Variants in KREMEN1 observed in about 807,000 individuals in gnomAD.
KREMEN1 encodes kringle containing transmembrane protein 1.
A neutral mutation model predicts 46.5 loss-of-function variants in KREMEN1; 30 were observed. That is an observed-to-expected ratio of 0.65 (90% CI 0.48 to 0.88). KREMEN1 has a LOEUF of 0.88. KREMEN1 is among the 40% of genes least tolerant of loss of function. KREMEN1 has a pLI of 0.00. For missense variants in KREMEN1, 533 were observed against 596.9 expected (o/e 0.89, Z 1.11); for synonymous variants, 214 against 230.6 (o/e 0.93, Z 0.65).
At chr22:29,115,790 A>G (rs2038229277) in intron 3 of KREMEN1, among the ~76,000 whole-genome samples, 1 of 152,232 alleles carries the variant, frequency 6.6e-6, no homozygotes, top group African/African-American at 2.4e-5. Flanking sequence ...TGAAATCTTA[A>G]GAAGGGAATA....
intron 1 of KREMEN1, among the ~76,000 whole-genome samples, chr22:29,079,941 C>T (rs934179342): frequency 6.6e-6 from 1 of 152,190 alleles, no homozygotes; most frequent in Non-Finnish European, 1.5e-5. Flanking sequence ...AATTATTGGG[C>T]TGGTAAAAAT....
Position 29,142,144 on chromosome 22 carries a change from T to A in KREMEN1, c.*32T>A, listed in dbSNP as rs1159966696. ...CACTGTGCCTAGGACTTGAGGTCCC[T>A]CTTTGAGCTCAAGGCTGCCGTGGTC... On this transcript the variant is annotated 3_prime_UTR_variant, in exon 9 of 9. Transcript: ENST00000400335. 1 of 1,517,692 alleles carries A rather than the reference T, an allele frequency of 6.6e-7. No homozygotes were observed. Among genetic ancestry groups the A allele is most frequent in the Non-Finnish European group, 8.8e-7 (1 of 1,132,794 alleles). The allele number at this position is 1,517,692 out of a possible 1,614,324, so 94.0% of individuals were successfully genotyped here. A position where few individuals can be genotyped will look rare whatever the true frequency, so the allele number is the denominator to read the frequency against.
At position 29,138,773 on chromosome 22, in the gene KREMEN1, A is replaced by G; in HGVS notation, c.1114A>G (p.Thr372Ala). The G allele has an allele frequency of 6.2e-7, 1 of 1,614,150 alleles. No individual in the cohort carries two copies. Among genetic ancestry groups the G allele is most frequent in the East Asian group, 2.2e-5 (1 of 44,880 alleles). ...ITTSPSHPPQ[T>A]VPGWTVYGLA... ...CACCAGCCCCAGCCACCCACCTCAG[A>G]CTGTCCCAGGTAGCAATTCCTGGGC... The change falls in exon 7 of 9, where the codon ACT becomes GCT. Residue 372 changes from threonine (T) to alanine (A), a missense_variant. By Grantham distance (58) the Thr-to-Ala change is moderately conservative. Coordinates refer to ENST00000400335, the MANE Select transcript of KREMEN1 (RefSeq NM_001039570.3).
At chr22:29,160,938 G>T (rs2039004949) in intron 9 of KREMEN1, among the ~76,000 whole-genome samples, 1 of 152,200 alleles carries the variant, frequency 6.6e-6, no homozygotes, top group African/African-American at 2.4e-5. Flanking sequence ...AAAACCAAAA[G>T]TTGATTATTT....
chr22:29,122,985 A>G (rs578191898), intron 4 of KREMEN1, among the ~76,000 whole-genome samples: 1 of 150,436 alleles, frequency 6.6e-6, no homozygotes, highest in South Asian at 2.1e-4. Context: ...GTTATATACA[A>G]CGTGGATGAA....
chr22:29,123,534 G>A (rs1487740853), intron 4 of KREMEN1, among the ~76,000 whole-genome samples: 1 of 152,178 alleles, frequency 6.6e-6, no homozygotes, highest in Non-Finnish European at 1.5e-5. Flanking sequence ...GCTCAAGCCT[G>A]TAATCCCAGC....
At chr22:29,098,322 C>A (rs1047907564) in intron 2 of KREMEN1, among the ~76,000 whole-genome samples, 4 of 152,114 alleles carry the variant, frequency 2.6e-5, no homozygotes, top group Non-Finnish European at 5.9e-5. Context: ...GCTGTTTCCA[C>A]CTGTTTTTTA....
intron 1 of KREMEN1, among the ~76,000 whole-genome samples, chr22:29,079,510 T>G (rs1400955404): frequency 2.6e-5 from 4 of 152,240 alleles, no homozygotes; most frequent in African/African-American, 9.6e-5. Flanking sequence ...GGGGCCCTGC[T>G]TCTAGTGGGC....
chr22:29,129,496 C>A (rs556042939), intron 5 of KREMEN1, among the ~76,000 whole-genome samples: 1 of 152,130 alleles, frequency 6.6e-6, no homozygotes, highest in Non-Finnish European at 1.5e-5. Flanking sequence ...GTGAAGATGT[C>A]TCCCTAAAGA....
chr22:29,128,026 A>G (rs968709699), intron 5 of KREMEN1, among the ~76,000 whole-genome samples: 1 of 152,218 alleles, frequency 6.6e-6, no homozygotes, highest in Non-Finnish European at 1.5e-5. Flanking sequence ...AATGTCCAGA[A>G]TAGGCAAAGC....
At chr22:29,097,282 GC>G (rs1233323375) in intron 2 of KREMEN1, among the ~76,000 whole-genome samples, 2 of 152,192 alleles carry the variant, frequency 1.3e-5, no homozygotes, top group Non-Finnish European at 2.9e-5. Context: ...GTGTCCAGTA[GC>G]CCCTGCCATT....
At chr22:29,121,541 G>A in intron 4 of KREMEN1, 60 bp downstream of exon 4, 1 of 1,575,280 alleles carries the variant, frequency 6.3e-7, no homozygotes, top group Non-Finnish European at 8.7e-7. Context: ...GCATTTTGCT[G>A]AGATAACTTA....
Position 29,137,563 on chromosome 22 carries a change from C to T in KREMEN1, c.853C>T (p.His285Tyr), listed in dbSNP as rs201889157. The T allele has an allele frequency of 1.1e-5, 17 of 1,613,908 alleles. No individual in the cohort carries two copies. The African/African-American group carries it at 2.1e-4, about 20-fold the overall frequency. Reference protein sequence around the residue: ...GYTHRVLARFHGRSRPPLSFN... With the variant: ...GYTHRVLARFYGRSRPPLSFN... Reference sequence around the variant, plus strand: ...CACCCACCGTGTCCTAGCCCGCTTCCACGGGAGGAGCCGCCCACCTCTGTC... The same window carrying T: ...CACCCACCGTGTCCTAGCCCGCTTCTACGGGAGGAGCCGCCCACCTCTGTC... Residue 285 changes from histidine to tyrosine, a missense_variant, in exon 6 of 9, where the codon CAC (histidine) becomes TAC (tyrosine). Transcript: ENST00000400335.
intron 1 of KREMEN1, among the ~76,000 whole-genome samples, chr22:29,087,793 G>A (rs990020313): frequency 6.6e-6 from 1 of 152,156 alleles, no homozygotes; most frequent in Non-Finnish European, 1.5e-5. Context: ...TCAAACTCCC[G>A]ACCTCAGGTG....
In KREMEN1 at chr22:29,143,049, C is replaced by T. The variant is rs1183645594; in HGVS notation, c.*937C>T. 2.0e-6 allele frequency: 1 copy of T among 493,638 alleles called. No individual in the cohort carries two copies. The highest frequency in any genetic ancestry group is 2.1e-5 in the African/African-American group (1 of 47,612). The allele number at this position is 493,638 out of a possible 1,614,324, so 30.6% of individuals were successfully genotyped here. ...CCTGTAATCCCAGCTACTCAGAAGG[C>T]TGAGACAGAAGAACAGCTTGAACCC... is the stretch of plus-strand genomic sequence containing the variant. On this transcript the variant is annotated 3_prime_UTR_variant, in exon 9 of 9. Transcript: ENST00000400335.
At chr22:29,120,806 C>T (rs1331882906) in intron 3 of KREMEN1, among the ~76,000 whole-genome samples, 2 of 152,106 alleles carry the variant, frequency 1.3e-5, no homozygotes, top group Non-Finnish European at 2.9e-5. Flanking sequence ...CTCCTGACCT[C>T]CAGAACTGAA....
rs1450453341 is a variant in KREMEN1 at position 29,073,127 on chromosome 22, G to T, written c.-4G>T. ...CGCGCCCCGGGGCCCCGCACTGACGGCCCATGGCGCCGCCAGCCGCCCGCC... is the reference window on the plus strand; with the variant it reads ...CGCGCCCCGGGGCCCCGCACTGACGTCCCATGGCGCCGCCAGCCGCCCGCC... On this transcript the variant is annotated 5_prime_UTR_variant, in exon 1 of 9. Transcript: ENST00000400335. The surrounding 1 kb of genome is among the most constrained non-coding windows in gnomAD (Gnocchi z 4.4). 2.9e-6 allele frequency: 3 copies of T among 1,049,990 alleles called. No individual in the cohort carries two copies. Among genetic ancestry groups the T allele is most frequent in the Non-Finnish European group, 3.4e-6 (3 of 872,760 alleles). 65.0% of individuals were successfully genotyped at this position (1,049,990 alleles called of 1,614,324 possible). A position where few individuals can be genotyped will look rare whatever the true frequency, so the allele number is the denominator to read the frequency against.
exon 10 of KREMEN1, chr22:29,167,160 A>T: frequency 7.3e-7 from 1 of 1,372,844 alleles, no homozygotes; most frequent in Admixed American, 2.0e-5. Context: ...TTCAGAGGGC[A>T]GAGGGGACAC....
At chr22:29,081,010 T>C (rs955037138) in intron 1 of KREMEN1, among the ~76,000 whole-genome samples, 1 of 151,618 alleles carries the variant, frequency 6.6e-6, no homozygotes, top group African/African-American at 2.4e-5. Flanking sequence ...TTTTTATACT[T>C]TAAGTTTTAG....
Sources: allele counts gnomAD v4.1 joint callset (sites outside exome capture counted in the v4.1 genomes callset), GRCh38; gene constraint gnomAD v4.1.1; non-coding constraint Gnocchi (gnomAD v3.1); transcripts MANE v1.5; gene names NCBI Gene and HGNC (gene_info 2026-07-23, HGNC 2026-07-21).